ATP11A: variants seen among roughly 807,000 people sequenced by gnomAD.
The protein encoded by ATP11A is ATPase phospholipid transporting 11A.
ATP11A carries 81 observed loss-of-function variants against 154.4 expected under a neutral mutation model. The observed-to-expected ratio is 0.52, with a 90% CI of 0.44 to 0.63. ATP11A has a LOEUF of 0.63. ATP11A is among the 30% of genes least tolerant of loss of function. The probability of loss-of-function intolerance (pLI) is 0.00; values close to 1 mark genes in which losing one functional copy is unlikely to be tolerated. For synonymous variants in ATP11A, 623 were observed against 585.9 expected (o/e 1.06, Z -0.91); for missense variants, 1,316 against 1,474.3 (o/e 0.89, Z 1.76).
At chr13:112,783,115 C>T (rs781554630) in intron 1 of ATP11A, among the ~76,000 whole-genome samples, 58 of 152,334 alleles carry the variant, frequency 3.8e-4, no homozygotes, top group Admixed American at 7.8e-4. Context: ...TGCAGACATT[C>T]ACACAGCTCC....
At chr13:112,797,204 A>G (rs2078021937) in intron 2 of ATP11A, among the ~76,000 whole-genome samples, 1 of 148,900 alleles carries the variant, frequency 6.7e-6, no homozygotes, top group Admixed American at 6.8e-5. Context: ...AATCCCTTGA[A>G]GCTGGGAGGC....
chr13:112,852,788 G>GGA (rs2079806939), intron 18 of ATP11A, among the ~76,000 whole-genome samples: 1 of 147,028 alleles, frequency 6.8e-6, no homozygotes, highest in Non-Finnish European at 1.5e-5. Context: ...TGGTTGGCGG[G>GGA]GGGGGATCTC....
chr13:112,782,596 A>G (rs1358558301), intron 1 of ATP11A, among the ~76,000 whole-genome samples: 1 of 152,242 alleles, frequency 6.6e-6, no homozygotes, highest in East Asian at 1.9e-4. Context: ...GATGCTTTTA[A>G]AGTCCACATC....
chr13:112,865,024 C>T (rs2080274595), intron 25 of ATP11A, among the ~76,000 whole-genome samples: 1 of 150,260 alleles, frequency 6.7e-6, no homozygotes, highest in African/African-American at 2.5e-5. Flanking sequence ...GGACCATCAC[C>T]ACGTGCGCAA....
At chr13:112,740,828 T>TTGCAGAA (rs1891468754) in intron 1 of ATP11A, among the ~76,000 whole-genome samples, 1 of 152,344 alleles carries the variant, frequency 6.6e-6, no homozygotes, top group East Asian at 1.9e-4. Flanking sequence ...AGCTGTTTTG[T>TTGCAGAA]TGCAGAAGGC....
intron 1 of ATP11A, among the ~76,000 whole-genome samples, chr13:112,773,886 T>TCCACCCC (rs2077284934): frequency 1.5e-5 from 2 of 137,618 alleles, no homozygotes; most frequent in Non-Finnish European, 3.1e-5. Flanking sequence ...CCCTCCACCC[T>TCCACCCC]CCACCCCACC....
intron 25 of ATP11A, among the ~76,000 whole-genome samples, chr13:112,870,699 T>A (rs1328002991): frequency 6.6e-6 from 1 of 152,112 alleles, no homozygotes; most frequent in Non-Finnish European, 1.5e-5. Context: ...CTTTATAAAA[T>A]AAAATTCCCT....
rs918791215 is a variant in ATP11A at position 112,746,736 on chromosome 13, C to G, written c.40-38399C>G. On this transcript the variant is annotated intron_variant, in intron 1 of 29. Transcript: ENST00000375645. The surrounding 1 kb of genome is among the most constrained non-coding windows in gnomAD (Gnocchi z 4.1). ...AATTAAAAAAAAAAAAAAAAAAAGA[C>G]AACTTTTTTTGGAGAGGGAGGGTCT... The G allele has an allele frequency of 7.2e-5, 10 of 139,564 alleles. No individual in the cohort carries two copies. The highest frequency in any genetic ancestry group is 1.1e-4 in the Non-Finnish European group (7 of 63,004). 8.6% of individuals were successfully genotyped at this position (139,564 alleles called of 1,614,324 possible). A position where few individuals can be genotyped will look rare whatever the true frequency, so the allele number is the denominator to read the frequency against.
chr13:112,777,155 C>G (rs1346715153), intron 1 of ATP11A, among the ~76,000 whole-genome samples: 2 of 151,652 alleles, frequency 1.3e-5, no homozygotes, highest in East Asian at 3.8e-4. Flanking sequence ...CTGCCAGGCA[C>G]CACCAAGCTC....
At chr13:112,783,146 G>A (rs1022637792) in intron 1 of ATP11A, among the ~76,000 whole-genome samples, 2 of 152,202 alleles carry the variant, frequency 1.3e-5, no homozygotes, top group African/African-American at 4.8e-5. Context: ...GTTCTGGGTG[G>A]GACAGTGTGG....
At chr13:112,703,607 T>A (rs1463174126) in intron 1 of ATP11A, among the ~76,000 whole-genome samples, 1 of 152,210 alleles carries the variant, frequency 6.6e-6, no homozygotes, top group Non-Finnish European at 1.5e-5. Context: ...AATTACTTAG[T>A]GAGAATGGGT....
At chr13:112,776,160 C>T (rs761869571) in intron 1 of ATP11A, among the ~76,000 whole-genome samples, 1 of 152,208 alleles carries the variant, frequency 6.6e-6, no homozygotes, top group African/African-American at 2.4e-5. Flanking sequence ...ATCTGTTACT[C>T]GTCCTCAAGT....
Position 112,834,594 on chromosome 13 carries a change from G to A in ATP11A, c.1565G>A (p.Gly522Asp), listed in dbSNP as rs777688735. The A allele has an allele frequency of 6.2e-7, 1 of 1,613,234 alleles. No individual in the cohort carries two copies. Among genetic ancestry groups the A allele is most frequent in the South Asian group, 1.1e-5 (1 of 91,044 alleles). The change falls in exon 15 of 30, where the codon GGC becomes GAC. Residue 522 changes from glycine (G) to aspartate (D), a missense_variant. Transcript: ENST00000375645. ...GGTTTCCCTTCTCATTGCAGACTTG[G>A]CTTTACCTACCTAAGGCTGAAGGAC... is the stretch of plus-strand genomic sequence containing the variant. ...VALVEGVQRL[G>D]FTYLRLKDNY...
intron 1 of ATP11A, among the ~76,000 whole-genome samples, chr13:112,720,409 C>T (rs553635241): frequency 2.6e-5 from 4 of 152,354 alleles, no homozygotes; most frequent in South Asian, 2.1e-4. Context: ...AGGAAACCCA[C>T]GCCCGACGCG....
intron 14 of ATP11A, among the ~76,000 whole-genome samples, chr13:112,833,852 G>A (rs543746986): frequency 7.0e-4 from 107 of 152,324 alleles, no homozygotes; most frequent in African/African-American, 2.4e-3. Flanking sequence ...GGTGTTAGAA[G>A]TCAGGGCAGG....
At chr13:112,833,327 C>T (rs1307474476) in intron 14 of ATP11A, among the ~76,000 whole-genome samples, 3 of 152,154 alleles carry the variant, frequency 2.0e-5, no homozygotes, top group Non-Finnish European at 2.9e-5. Context: ...CTTCAAAATA[C>T]GGAAACAATC....
At chr13:112,877,948 C>T (rs569872362) in intron 28 of ATP11A, among the ~76,000 whole-genome samples, 27 of 151,036 alleles carry the variant, frequency 1.8e-4, no homozygotes, top group African/African-American at 6.3e-4. Context: ...ACAAGAGCCC[C>T]GGGAATGCTT....
chr13:112,823,474 A>G, intron 9 of ATP11A, 65 bp downstream of exon 9: 1 of 1,367,652 alleles, frequency 7.3e-7, no homozygotes. Flanking sequence ...CAAAAGTTAA[A>G]ACCCGCAGCG....
At chr13:112,712,062 A>G (rs950922956) in intron 1 of ATP11A, among the ~76,000 whole-genome samples, 1 of 152,214 alleles carries the variant, frequency 6.6e-6, no homozygotes, top group Non-Finnish European at 1.5e-5. Flanking sequence ...CCTTTTGTCG[A>G]TGAGTTTAAA....
Sources: allele counts gnomAD v4.1 joint callset (sites outside exome capture counted in the v4.1 genomes callset), GRCh38; gene constraint gnomAD v4.1.1; non-coding constraint Gnocchi (gnomAD v3.1); transcripts MANE v1.5; gene names NCBI Gene and HGNC (gene_info 2026-07-23, HGNC 2026-07-21).